Variants in IFFO2 observed in about 807,000 individuals in gnomAD.
IFFO2 encodes intermediate filament family orphan 2.
Under a neutral mutation model 53.5 loss-of-function variants are expected in IFFO2, and 19 were observed. The observed-to-expected ratio is 0.36, with a 90% CI of 0.25 to 0.52. The LOEUF is 0.52. IFFO2 is among the 20% of genes least tolerant of loss of function. The probability of loss-of-function intolerance (pLI) is 0.94; values close to 1 mark genes in which losing one functional copy is unlikely to be tolerated. For synonymous variants in IFFO2, 303 were observed against 313.6 expected (o/e 0.97, Z 0.36); for missense variants, 570 against 727.4 (o/e 0.78, Z 2.49).
At chr1:18,948,921 C>A (rs774064719) in intron 1 of IFFO2, among the ~76,000 whole-genome samples, 1 of 152,198 alleles carries the variant, frequency 6.6e-6, no homozygotes, top group East Asian at 1.9e-4. Flanking sequence ...CCACAACCTC[C>A]GGACACAGAG....
chr1:18,952,167 A>G (rs1441063522), intron 1 of IFFO2, among the ~76,000 whole-genome samples: 3 of 152,182 alleles, frequency 2.0e-5, no homozygotes, highest in Non-Finnish European at 4.4e-5. Flanking sequence ...TCAGAACAAG[A>G]TATTTTAGTG....
intron 1 of IFFO2, among the ~76,000 whole-genome samples, chr1:18,921,853 C>T (rs541700906): frequency 6.6e-5 from 10 of 152,172 alleles, no homozygotes; most frequent in Admixed American, 2.0e-4. Context: ...GAATAGGAAA[C>T]GCGGGCGGGA....
chr1:18,935,389 A>C (rs1021886724), intron 1 of IFFO2, among the ~76,000 whole-genome samples: 1 of 152,058 alleles, frequency 6.6e-6, no homozygotes, highest in Non-Finnish European at 1.5e-5. Context: ...GTAAGGCTGA[A>C]TAGCATCCCC....
At position 18,928,427 on chromosome 1, in the gene IFFO2, C is replaced by T. The variant is rs1936331613; in HGVS notation, c.666-7306G>A. ...TTAACCAGGGCAGCCGATTCCATTA[C>T]AGGCGGGCAGTAATGGCCTGAGCAG... On this transcript the variant is annotated intron_variant, in intron 1 of 8. Coordinates refer to ENST00000455833, the MANE Select transcript of IFFO2 (RefSeq NM_001136265.2). This position sits in a 1 kb window ranked among gnomAD's most constrained non-coding sequence, Gnocchi z 4.9. 6.6e-6 allele frequency among the ~76,000 whole-genome samples: 1 copy of T among 152,230 alleles called. No homozygotes were observed. The highest frequency in any genetic ancestry group is 2.1e-4 in the South Asian group (1 of 4,834).
intron 1 of IFFO2, among the ~76,000 whole-genome samples, chr1:18,930,375 T>C (rs1936359722): frequency 6.6e-6 from 1 of 152,154 alleles, no homozygotes; most frequent in African/African-American, 2.4e-5. Flanking sequence ...AGCCACTGTC[T>C]GCATAACAGT....
At chr1:18,940,611 A>G (rs1035593159) in intron 1 of IFFO2, among the ~76,000 whole-genome samples, 15 of 140,122 alleles carry the variant, frequency 1.1e-4, no homozygotes, top group East Asian at 2.2e-4. Context: ...ATGGATGGAC[A>G]GACGGACGGA....
At chr1:18,913,524 A>G (rs1028923058) in intron 5 of IFFO2, among the ~76,000 whole-genome samples, 2 of 152,194 alleles carry the variant, frequency 1.3e-5, no homozygotes, top group African/African-American at 4.8e-5. Context: ...GCTGAGGAGG[A>G]GCCTTGGCCC....
At chr1:18,922,503 A>G (rs1350443125) in intron 1 of IFFO2, among the ~76,000 whole-genome samples, 1 of 152,206 alleles carries the variant, frequency 6.6e-6, no homozygotes, top group Non-Finnish European at 1.5e-5. Flanking sequence ...CTGTTTGCAC[A>G]CACAGAGGAA....
chr1:18,917,126 T>C lies in IFFO2; in HGVS notation c.964-84A>G. On this transcript the variant is annotated intron_variant, in intron 4 of 8. Transcript: ENST00000455833. The surrounding 1 kb of genome is among the most constrained non-coding windows in gnomAD (Gnocchi z 5.9). ...GGGTGAACTGGGAAGGGAGCCGGCA[T>C]CTCACAGGATGATGAGCGTGACTGG... 1 of 1,445,594 alleles carries C rather than the reference T, an allele frequency of 6.9e-7. No homozygotes were observed. Among genetic ancestry groups the C allele is most frequent in the Non-Finnish European group, 9.4e-7 (1 of 1,068,124 alleles). The allele number at this position is 1,445,594 out of a possible 1,614,324, so 89.5% of individuals were successfully genotyped here. A position where few individuals can be genotyped will look rare whatever the true frequency, so the allele number is the denominator to read the frequency against.
chr1:18,909,774 T>C (rs1460878435), intron 8 of IFFO2, among the ~76,000 whole-genome samples: 1 of 151,936 alleles, frequency 6.6e-6, no homozygotes, highest in African/African-American at 2.4e-5. Flanking sequence ...AGGCATTTCT[T>C]TTTTTTTGAG....
chr1:18,940,327 C>G (rs1936503466), intron 1 of IFFO2, among the ~76,000 whole-genome samples: 2 of 152,324 alleles, frequency 1.3e-5, no homozygotes, highest in Non-Finnish European at 2.9e-5. Flanking sequence ...AGCCCTAGCT[C>G]CGCCACTCGC....
In IFFO2 at chr1:18,918,435, C is replaced by T. The variant is rs1936167752; in HGVS notation, c.890G>A (p.Arg297Gln). The change falls in exon 4 of 9, where the codon CGA becomes CAA. Residue 297 changes from arginine to glutamine, a missense_variant. Arg to Gln is a conservative substitution (Grantham distance 43). Transcript: ENST00000455833. The surrounding 1 kb of genome is among the most constrained non-coding windows in gnomAD (Gnocchi z 5.2). The part of the protein sequence containing the change: ...AMKVDMDICR[R>Q]IDITAKLCDV... ...GCACAGCTTGGCCGTGATATCGATTCGGCGGCAGATGTCCATGTCCACCTT... is the reference window on the plus strand; with the variant it reads ...GCACAGCTTGGCCGTGATATCGATTTGGCGGCAGATGTCCATGTCCACCTT... 1.3e-6 allele frequency: 2 copies of T among 1,561,294 alleles called. No individual in the cohort carries two copies. The highest frequency in any genetic ancestry group is 1.2e-5 in the South Asian group (1 of 84,608).
rs540189114 is a variant in IFFO2 at position 18,946,377 on chromosome 1, C to T, written c.665+9291G>A. Among the ~76,000 whole-genome samples, 9 of 148,546 alleles carry T rather than the reference C, an allele frequency of 6.1e-5. No individual in the cohort carries two copies. The South Asian group carries it at 8.6e-4, about 14-fold the overall frequency. On this transcript the variant is annotated intron_variant, in intron 1 of 8. Transcript: ENST00000455833. ...GTTTAAGGTTGGAACTGGAACCTGACTTCCTGCGGTCAGATCTGGGCTTGC... is the reference window on the plus strand; with the variant it reads ...GTTTAAGGTTGGAACTGGAACCTGATTTCCTGCGGTCAGATCTGGGCTTGC...
chr1:18,956,121 A>C lies in IFFO2; in HGVS notation c.212T>G (p.Val71Gly). The part of the protein sequence containing the change: ...NVRFRCFLAK[V>G]HELERRNRLL... ...CCGGTTGCGCCGCTCCAGCTCGTGC[A>C]CCTTAGCCAGGAAGCAGCGGAAGCG... Residue 71 changes from valine (V) to glycine (G), a missense_variant, in exon 1 of 9, where the codon GTG (valine) becomes GGG (glycine). By Grantham distance (109) the Val-to-Gly change is moderately radical. Coordinates refer to ENST00000455833, the MANE Select transcript of IFFO2 (RefSeq NM_001136265.2). The surrounding 1 kb of genome is among the most constrained non-coding windows in gnomAD (Gnocchi z 6.4). 1 of 1,508,508 alleles carries C rather than the reference A, an allele frequency of 6.6e-7. No individual in the cohort carries two copies. The highest frequency in any genetic ancestry group is 8.9e-7 in the Non-Finnish European group (1 of 1,121,730). The allele number at this position is 1,508,508 out of a possible 1,614,324, so 93.4% of individuals were successfully genotyped here.
In IFFO2 at chr1:18,917,012, C is replaced by A; in HGVS notation, c.994G>T (p.Ala332Ser). ...TGCTCAGAGATGTCATCATCGGAAG[C>A]CACCTTACGCTCTTTCTTTTTGGGG... ...VVPKKKERKV[A>S]SDDDISEQDG... is the part of the protein sequence containing the mutation. Residue 332 changes from alanine (A) to serine (S), a missense_variant, in exon 5 of 9, where the codon GCT (alanine) becomes TCT (serine). Transcript: ENST00000455833. The surrounding 1 kb of genome is among the most constrained non-coding windows in gnomAD (Gnocchi z 5.9). The A allele has an allele frequency of 3.9e-6, 6 of 1,552,252 alleles. No individual in the cohort carries two copies. Among genetic ancestry groups the A allele is most frequent in the Non-Finnish European group, 5.2e-6 (6 of 1,147,118 alleles).
intron 1 of IFFO2, among the ~76,000 whole-genome samples, chr1:18,933,835 C>T (rs939500737): frequency 6.6e-6 from 1 of 152,138 alleles, no homozygotes; most frequent in Non-Finnish European, 1.5e-5. Flanking sequence ...TAAGTGCATT[C>T]ACACTGCTGT....
Position 18,955,673 on chromosome 1 carries a change from C to T in IFFO2, c.660G>A (p.Lys220=), listed in dbSNP as rs749192646. The part of the protein sequence containing the change: ...AKVKRERDEY[K]RRWEEELAKR... ...GGGGAGGGGCGGCCACTCACCTCCG[C>T]TTATACTCGTCGCGCTCGCGCTTCA... Residue 220 remains lysine, a synonymous_variant, in exon 1 of 9, where the codon AAG becomes AAA. Transcript: ENST00000455833. 1.5e-5 allele frequency: 23 copies of T among 1,582,104 alleles called. No individual in the cohort carries two copies. The South Asian group carries it at 2.3e-4, about 16-fold the overall frequency.
chr1:18,911,872 G>T, intron 6 of IFFO2, 91 bp downstream of exon 6: 1 of 1,465,330 alleles, frequency 6.8e-7, no homozygotes, highest in Non-Finnish European at 9.2e-7. Flanking sequence ...GGTGGGGGCT[G>T]TAGAAAAATA....
chr1:18,939,815 G>C (rs535475878), intron 1 of IFFO2, among the ~76,000 whole-genome samples: 86 of 152,308 alleles, frequency 5.6e-4, no homozygotes, highest in Admixed American at 1.6e-3. Flanking sequence ...TTAGACACCA[G>C]GAAGCACTTC....
Sources: gnomAD v4.1 joint callset for allele counts (sites outside exome capture counted in the v4.1 genomes callset) on GRCh38, gnomAD v4.1.1 for gene constraint, Gnocchi (gnomAD v3.1) non-coding constraint, MANE v1.5 for transcripts, NCBI Gene and HGNC (gene_info 2026-07-23, HGNC 2026-07-21) for gene names.